SLC66A3: variants seen among roughly 807,000 people sequenced by gnomAD.
The protein encoded by SLC66A3 is solute carrier family 66 member 3, also known as PQ loop repeat containing 3.
A neutral mutation model predicts 25.5 loss-of-function variants in SLC66A3; 23 were observed. The ratio of observed to expected loss-of-function variants is 0.90; its 90% CI spans 0.65 to 1.28. The LOEUF (loss-of-function observed/expected upper bound fraction) is 1.28. Among genes scored for constraint, SLC66A3 ranks in the 50% most tolerant of loss-of-function variants. The pLI is 0.00. For missense variants in SLC66A3, 246 were observed against 262.1 expected, an observed-to-expected ratio of 0.94 and a Z score of 0.42; for synonymous variants, 108 against 112.6, an observed-to-expected ratio of 0.96 and a Z score of 0.26.
intron 1 of SLC66A3, among the ~76,000 whole-genome samples, chr2:11,158,466 TC>T (rs1321308336): frequency 2.0e-5 from 3 of 152,172 alleles, no homozygotes; most frequent in African/African-American, 7.2e-5. Flanking sequence ...ATCAAGACCA[TC>T]CTGGCTAACA....
intron 6 of SLC66A3, among the ~76,000 whole-genome samples, chr2:11,176,890 T>TGTC (rs140966776): frequency 6.6e-6 from 1 of 151,744 alleles, no homozygotes; most frequent in Non-Finnish European, 1.5e-5. Context: ...AACACAAAGA[T>TGTC]ATCTTAAATC....
rs1161882465 is a variant in SLC66A3 at position 11,164,327 on chromosome 2, T to TTATATATATA, written c.354+76_354+85dup. On this transcript the variant is annotated intron_variant, in intron 4 of 6. Transcript: ENST00000295083. ...ACCTTGGAGAGAACTTGATAGATATTTATATATATATATATATATTTTTTT... is the reference window on the plus strand; with the variant it reads ...ACCTTGGAGAGAACTTGATAGATATTTATATATATATATATATATATATATATATTTTTTT... 1.6e-3 allele frequency: 290 copies of TTATATATATA among 175,924 alleles called. 22 individuals are homozygous for TTATATATATA. Among genetic ancestry groups the TTATATATATA allele is most frequent in the Middle Eastern group, 2.6e-3 (2 of 770 alleles). 10.9% of individuals were successfully genotyped at this position (175,924 alleles called of 1,614,324 possible).
chr2:11,166,695 A>G (rs1222506274), intron 4 of SLC66A3, among the ~76,000 whole-genome samples: 1 of 152,198 alleles, frequency 6.6e-6, no homozygotes, highest in African/African-American at 2.4e-5. Context: ...GTTGGAGGCC[A>G]GCCTGGCCAA....
chr2:11,177,772 AT>A lies in SLC66A3; in HGVS notation c.554del (p.Ile185AsnfsTer3). On this transcript the variant is annotated frameshift_variant, in exon 7 of 7. Coordinates refer to ENST00000295083, the MANE Select transcript of SLC66A3 (RefSeq NM_152391.5). LOFTEE classifies it high-confidence loss of function. Reference sequence around the variant, plus strand: ...TTTTGTGATCATGCTGGCTTTAAATATATGGGTAACAGTGACAGTACTTCGC... The same window carrying A: ...TTTTGTGATCATGCTGGCTTTAAATAATGGGTAACAGTGACAGTACTTCGC... ...LRFVIMLALN[I>X]WVTVTVLRYR... The A allele has an allele frequency of 6.2e-7, 1 of 1,611,878 alleles. No homozygotes were observed. Among genetic ancestry groups the A allele is most frequent in the Non-Finnish European group, 8.5e-7 (1 of 1,178,868 alleles).
In SLC66A3 at chr2:11,178,554, C is replaced by T. The variant is rs890046086; in HGVS notation, c.*726C>T. ...AATGCTGCCATTTTTTAAAGGGCCA[C>T]AACTATAGAATTACCACTGTTGGAA... On this transcript the variant is annotated 3_prime_UTR_variant, in exon 7 of 7. Coordinates refer to ENST00000295083, the MANE Select transcript of SLC66A3 (RefSeq NM_152391.5). The T allele has an allele frequency of 3.3e-5, 5 of 152,588 alleles. No individual in the cohort carries two copies. Among genetic ancestry groups the T allele is most frequent in the African/African-American group, 1.2e-4 (5 of 41,438 alleles). 9.5% of individuals were successfully genotyped at this position (152,588 alleles called of 1,614,324 possible).
intron 5 of SLC66A3, among the ~76,000 whole-genome samples, chr2:11,172,398 T>A (rs1005553689): frequency 6.6e-6 from 1 of 152,226 alleles, no homozygotes; most frequent in Non-Finnish European, 1.5e-5. Flanking sequence ...GGTTTTAAAA[T>A]ATGAAAATCA....
At chr2:11,174,584 C>T (rs1012588397) in intron 5 of SLC66A3, among the ~76,000 whole-genome samples, 5 of 152,038 alleles carry the variant, frequency 3.3e-5, no homozygotes, top group Non-Finnish European at 7.4e-5. Context: ...GCAACCTTTG[C>T]CTCCCAGGTT....
chr2:11,162,619 A>G (rs910660690), intron 3 of SLC66A3, among the ~76,000 whole-genome samples: 5 of 151,966 alleles, frequency 3.3e-5, no homozygotes, highest in African/African-American at 7.2e-5. Context: ...ATTTTATTTT[A>G]TTTTTGAGAC....
intron 3 of SLC66A3, among the ~76,000 whole-genome samples, chr2:11,162,107 G>C (rs1558251453): frequency 6.6e-6 from 1 of 152,204 alleles, no homozygotes. Flanking sequence ...TAGGGTTACT[G>C]TAAGAGCTAG....
At chr2:11,160,598 C>T (rs1465533788) in intron 2 of SLC66A3, 27 bp from the exon 3 acceptor site, 2 of 1,614,068 alleles carry the variant, frequency 1.2e-6, no homozygotes, top group Admixed American at 3.3e-5. Context: ...TCCCCTTCCC[C>T]CCTCACTCGG....
chr2:11,161,621 G>T (rs1216074713), intron 3 of SLC66A3, among the ~76,000 whole-genome samples: 1 of 151,844 alleles, frequency 6.6e-6, no homozygotes, highest in Non-Finnish European at 1.5e-5. Flanking sequence ...TGGGGCCAAG[G>T]AATCTTCCCG....
intron 3 of SLC66A3, among the ~76,000 whole-genome samples, chr2:11,161,952 C>A (rs1203467441): frequency 6.6e-6 from 1 of 152,202 alleles, no homozygotes; most frequent in Non-Finnish European, 1.5e-5. Flanking sequence ...GGCCCGCAGG[C>A]CATGAGAATG....
chr2:11,168,068 C>T (rs1261322488), intron 4 of SLC66A3, among the ~76,000 whole-genome samples: 1 of 152,148 alleles, frequency 6.6e-6, no homozygotes. Flanking sequence ...ATCACAAGGT[C>T]AGGAGATCAA....
intron 4 of SLC66A3, among the ~76,000 whole-genome samples, chr2:11,164,924 C>T (rs189130432): frequency 0.054 from 8,223 of 152,158 alleles, 747 homozygotes; most frequent in African/African-American, 0.18. Context: ...TGGAGTCTCC[C>T]ATGTCTACTT....
chr2:11,173,985 C>T (rs751462721), intron 5 of SLC66A3, among the ~76,000 whole-genome samples: 6 of 152,126 alleles, frequency 3.9e-5, no homozygotes, highest in East Asian at 3.9e-4. Flanking sequence ...GACAGAGTTT[C>T]GCTCTTTCGC....
intron 1 of SLC66A3, among the ~76,000 whole-genome samples, chr2:11,160,028 G>A (rs761351830): frequency 2.0e-5 from 3 of 152,158 alleles, no homozygotes; most frequent in African/African-American, 4.8e-5. Flanking sequence ...GCGGCTCCTC[G>A]GATCCTTGCG....
chr2:11,169,617 C>G (rs916195186), intron 4 of SLC66A3, among the ~76,000 whole-genome samples: 8 of 152,088 alleles, frequency 5.3e-5, no homozygotes, highest in Admixed American at 2.0e-4. Flanking sequence ...TCCCTGACTT[C>G]CGTGTTCCCA....
chr2:11,168,538 G>T (rs747593983), intron 4 of SLC66A3, among the ~76,000 whole-genome samples: 20 of 152,104 alleles, frequency 1.3e-4, no homozygotes, highest in Non-Finnish European at 2.6e-4. Context: ...TGTGGTCTGG[G>T]ACCCTGATGT....
intron 3 of SLC66A3, among the ~76,000 whole-genome samples, chr2:11,163,643 C>T (rs763308234): frequency 6.6e-6 from 1 of 152,206 alleles, no homozygotes; most frequent in Non-Finnish European, 1.5e-5. Flanking sequence ...CAGCCCTGGC[C>T]GCTGTCTCCT....
Sources: gnomAD v4.1 joint callset for allele counts (sites outside exome capture counted in the v4.1 genomes callset) on GRCh38, gnomAD v4.1.1 for gene constraint, MANE v1.5 for transcripts, NCBI Gene and HGNC (gene_info 2026-07-23, HGNC 2026-07-21) for gene names.